The following GUCY2C variants were observed in gnomAD, a reference collection of about 807,000 sequenced individuals.
GUCY2C encodes the protein guanylyl cyclase C.
Under a neutral mutation model 131.1 loss-of-function variants are expected in GUCY2C, and 118 were observed. The observed-to-expected ratio is 0.90, with a 90% CI of 0.78 to 1.05. The LOEUF (loss-of-function observed/expected upper bound fraction) is 1.05, where lower values mean the gene tolerates loss of function less well. GUCY2C is among the 50% of genes least tolerant of loss of function. The pLI, the probability that GUCY2C is intolerant of heterozygous loss-of-function variation, is 0.00. For synonymous variants in GUCY2C, 452 were observed against 457.8 expected, an observed-to-expected ratio of 0.99 and a Z score of 0.16; for missense variants, 1,161 against 1,304.4, an observed-to-expected ratio of 0.89 and a Z score of 1.69.
In GUCY2C at chr12:14,645,455, C is replaced by T. The variant is rs1947501308; in HGVS notation, c.1711-140G>A. On this transcript the variant is annotated intron_variant, in intron 15 of 26. Coordinates refer to ENST00000261170, the MANE Select transcript of GUCY2C (RefSeq NM_004963.4). ...ATTGGAATTCCATTGTCTGGGATTT[C>T]ATGAACCTGTGTTTTTTCCTTTTCT... 1.7e-5 allele frequency: 10 copies of T among 576,976 alleles called. 1 individual carries two copies. 35.7% of individuals were successfully genotyped at this position (576,976 alleles called of 1,614,324 possible). A position where few individuals can be genotyped will look rare whatever the true frequency, so the allele number is the denominator to read the frequency against.
intron 10 of GUCY2C, among the ~76,000 whole-genome samples, chr12:14,667,082 T>C (rs1947997212): frequency 6.6e-6 from 1 of 152,146 alleles, no homozygotes; most frequent in African/African-American, 2.4e-5. Context: ...AAGAGAACTC[T>C]CTCAAAAAGT....
At chr12:14,642,924 C>G (rs1357564267) in intron 17 of GUCY2C, among the ~76,000 whole-genome samples, 1 of 152,098 alleles carries the variant, frequency 6.6e-6, no homozygotes, top group Non-Finnish European at 1.5e-5. Flanking sequence ...GTGTTTGGAT[C>G]TAGGTAGTAT....
chr12:14,643,641 T>G lies in GUCY2C; in HGVS notation c.1863A>C (p.Val621=). ...TCTTCACCACCATTCTACTGTCCACTACGCAGTTGGTAGATTTCAGACGAC... is the reference window on the plus strand; with the variant it reads ...TCTTCACCACCATTCTACTGTCCACGACGCAGTTGGTAGATTTCAGACGAC... The part of the protein sequence containing the change: ...VHGRLKSTNC[V]VDSRMVVKIT... Residue 621 remains valine, a synonymous_variant, in exon 17 of 27, where the codon GTA becomes GTC. Coordinates refer to ENST00000261170, the MANE Select transcript of GUCY2C (RefSeq NM_004963.4). 1.2e-6 allele frequency: 2 copies of G among 1,613,002 alleles called. No individual in the cohort carries two copies. The highest frequency in any genetic ancestry group is 1.7e-6 in the Non-Finnish European group (2 of 1,178,956).
chr12:14,614,172 C>T (rs572629258), intron 26 of GUCY2C, among the ~76,000 whole-genome samples: 4 of 152,032 alleles, frequency 2.6e-5, no homozygotes, highest in Admixed American at 6.6e-5. Context: ...TCTGTTCTCC[C>T]GAGCAAGCCT....
chr12:14,615,086 T>G, intron 25 of GUCY2C, 143 bp from the exon 26 acceptor site: 1 of 523,224 alleles, frequency 1.9e-6, no homozygotes, highest in Non-Finnish European at 3.4e-6. Flanking sequence ...CATCACACAT[T>G]CCTGTTATGA....
At chr12:14,633,195 G>A (rs1236425846) in intron 19 of GUCY2C, among the ~76,000 whole-genome samples, 2 of 152,130 alleles carry the variant, frequency 1.3e-5, no homozygotes, top group African/African-American at 4.8e-5. Context: ...TGGCACCAGT[G>A]CCTCCAAGGG....
chr12:14,639,807 A>T lies in GUCY2C; in HGVS notation c.2157+55T>A. ...AATTTTTGTTGTTTTAATCCATTAC[A>T]TTTATGGTAATTTTATAGCAGGCCA... is the stretch of plus-strand genomic sequence containing the variant. On this transcript the variant is annotated intron_variant, in intron 19 of 26. Coordinates refer to ENST00000261170, the MANE Select transcript of GUCY2C (RefSeq NM_004963.4). 6 of 1,102,276 alleles carry T rather than the reference A, an allele frequency of 5.4e-6. No homozygotes were observed. The South Asian group carries it at 7.5e-5, about 14-fold the overall frequency. The allele number at this position is 1,102,276 out of a possible 1,614,324, so 68.3% of individuals were successfully genotyped here.
intron 16 of GUCY2C, among the ~76,000 whole-genome samples, chr12:14,644,969 C>T (rs1308091042): frequency 6.6e-6 from 1 of 151,766 alleles, no homozygotes; most frequent in Admixed American, 6.6e-5. Flanking sequence ...AACTGCATGC[C>T]TCACACCCAG....
intron 6 of GUCY2C, among the ~76,000 whole-genome samples, chr12:14,678,690 C>T (rs564672986): frequency 6.6e-5 from 10 of 152,236 alleles, no homozygotes; most frequent in African/African-American, 2.4e-4. Context: ...TGGGAAAGAT[C>T]TAGACAGGAG....
At position 14,613,121 on chromosome 12, in the gene GUCY2C, A is replaced by G. The variant is rs1399273606; in HGVS notation, c.3218T>C (p.Phe1073Ser). The G allele has an allele frequency of 6.2e-7, 1 of 1,612,694 alleles. No individual in the cohort carries two copies. ...GTCCTTATACCTCATTTAGGTTTAA[A>G]AATAGGTGCTCTCCTTGTCTGTGGT... is the stretch of plus-strand genomic sequence containing the variant. Reference protein sequence around the residue: ...LNTTDKESTYF With the variant: ...LNTTDKESTYS The change falls in exon 27 of 27, where the codon TTT becomes TCT. Residue 1073 changes from phenylalanine (F) to serine (S), a missense_variant. Coordinates refer to ENST00000261170, the MANE Select transcript of GUCY2C (RefSeq NM_004963.4). This position sits in a 1 kb window ranked among gnomAD's most constrained non-coding sequence, Gnocchi z 4.9.
rs140076595 is a variant in GUCY2C, at chr12:14,676,285, C to T, written c.948+569G>A. Among the ~76,000 whole-genome samples the T allele has an allele frequency of 4.2e-3, 636 of 152,298 alleles. 4 individuals carry two copies. The highest frequency in any genetic ancestry group is 0.015 in the African/African-American group (624 of 41,568). ...ATGATTTAGTGTCCAAATGGAGGCTCTTTTTCCTGCACAAATGCTAAACCA... is the reference window on the plus strand; with the variant it reads ...ATGATTTAGTGTCCAAATGGAGGCTTTTTTTCCTGCACAAATGCTAAACCA... On this transcript the variant is annotated intron_variant, in intron 7 of 26. Transcript: ENST00000261170.
At position 14,656,557 on chromosome 12, in the gene GUCY2C, A is replaced by G; in HGVS notation, c.1425T>C (p.Asn475=). 1 of 1,604,950 alleles carries G rather than the reference A, an allele frequency of 6.2e-7. No homozygotes were observed. The highest frequency in any genetic ancestry group is 8.5e-7 in the Non-Finnish European group (1 of 1,171,782). ...QKKWSHIPPE[N]IFPLETNETN... The stretch of plus-strand genomic sequence containing the variant: ...TCTCATTGGTCTCCAGAGGAAAGAT[A>G]TTTTCAGGAGGAATGTGGGACCATT... The change falls in exon 12 of 27, where the codon AAT becomes AAC. Residue 475 remains asparagine (N), a synonymous_variant. Coordinates refer to ENST00000261170, the MANE Select transcript of GUCY2C (RefSeq NM_004963.4).
chr12:14,649,028 A>G (rs763721862), intron 15 of GUCY2C, among the ~76,000 whole-genome samples: 5 of 152,180 alleles, frequency 3.3e-5, no homozygotes, highest in Non-Finnish European at 7.4e-5. Context: ...TTCCTTGTTG[A>G]GAACAGGTTG....
chr12:14,693,351 C>T (rs564639925), intron 1 of GUCY2C, among the ~76,000 whole-genome samples: 1 of 152,110 alleles, frequency 6.6e-6, no homozygotes. Flanking sequence ...ATGTGATTAG[C>T]CTTGGAACCA....
rs186315617 is a variant in GUCY2C at position 14,621,108 on chromosome 12, T to C, written c.2710A>G (p.Met904Val). 1.2e-5 allele frequency: 19 copies of C among 1,613,984 alleles called. No homozygotes were observed. The East Asian group carries it at 4.2e-4, about 36-fold the overall frequency. Residue 904 changes from methionine (M) to valine (V), a missense_variant, in exon 23 of 27, where the codon ATG (methionine) becomes GTG (valine). Met to Val is a conservative substitution (Grantham distance 21). Transcript: ENST00000261170. ...AGATGCTCCAGCTCAAAGGTCCCCA[T>C]GAAGCTGAGGATTTCCAAGGCCATC... is the stretch of plus-strand genomic sequence containing the variant. Reference protein sequence around the residue: ...AKMALEILSFMGTFELEHLPG... With the variant: ...AKMALEILSFVGTFELEHLPG...
chr12:14,645,178 C>A lies in GUCY2C; in HGVS notation c.1797+51G>T, dbSNP rs910801767. 5.2e-6 allele frequency: 5 copies of A among 959,396 alleles called. No homozygotes were observed. In the African/African-American group the frequency reaches 6.6e-5, roughly 13 times the overall value. The allele number at this position is 959,396 out of a possible 1,614,324, so 59.4% of individuals were successfully genotyped here. ...CAGAAGGTTGAATAACTTGTTAGAT[C>A]TGTTTTCTTATATTTAATTTTCATA... is the stretch of plus-strand genomic sequence containing the variant. On this transcript the variant is annotated intron_variant, in intron 16 of 26. Coordinates refer to ENST00000261170, the MANE Select transcript of GUCY2C (RefSeq NM_004963.4).
intron 3 of GUCY2C, among the ~76,000 whole-genome samples, chr12:14,684,542 C>CCT (rs1227518522): frequency 9.9e-6 from 1 of 100,844 alleles, no homozygotes; most frequent in South Asian, 3.5e-4. Flanking sequence ...CTCTTTTTCT[C>CCT]CTCTCTCTCT....
At chr12:14,640,672 A>G (rs1182249816) in intron 18 of GUCY2C, among the ~76,000 whole-genome samples, 1 of 152,118 alleles carries the variant, frequency 6.6e-6, no homozygotes, top group African/African-American at 2.4e-5. Flanking sequence ...GATTGAATGA[A>G]TGGAATGAAG....
At chr12:14,655,338 C>T (rs1026884757) in intron 12 of GUCY2C, among the ~76,000 whole-genome samples, 2 of 152,180 alleles carry the variant, frequency 1.3e-5, no homozygotes, top group Admixed American at 6.5e-5. Context: ...CATCCTGACA[C>T]TTAGCTGAGA....
Sources: gnomAD v4.1 joint callset for allele counts (sites outside exome capture counted in the v4.1 genomes callset) on GRCh38, gnomAD v4.1.1 for gene constraint, Gnocchi (gnomAD v3.1) non-coding constraint, MANE v1.5 for transcripts, NCBI Gene and HGNC (gene_info 2026-07-23, HGNC 2026-07-21) for gene names.